Variants in SIPA1L3 observed in about 807,000 individuals in gnomAD.
SIPA1L3 encodes signal-induced proliferation-associated 1-like protein 3.
In SIPA1L3, 59 loss-of-function variants were observed where a neutral mutation model predicts 150.1. The ratio of observed to expected loss-of-function variants is 0.39; its 90% confidence interval spans 0.32 to 0.49. The LOEUF is 0.49. Among genes scored for constraint, SIPA1L3 ranks in the 20% least tolerant of loss-of-function variants. The pLI, the probability that SIPA1L3 is intolerant of heterozygous loss-of-function variation, is 0.86. For synonymous variants in SIPA1L3, 1,070 were observed against 1,077.6 expected (o/e 0.99, Z 0.14); for missense variants, 2,211 against 2,489.5 (o/e 0.89, Z 2.38).
At chr19:37,975,236 C>T (rs577933702) in intron 1 of SIPA1L3, among the ~76,000 whole-genome samples, 2 of 152,104 alleles carry the variant, frequency 1.3e-5, no homozygotes, top group South Asian at 2.1e-4. Context: ...AGAGAGAGAG[C>T]GAGGAGAGCA....
At chr19:37,942,613 C>G (rs1027931026) in intron 1 of SIPA1L3, among the ~76,000 whole-genome samples, 2 of 151,824 alleles carry the variant, frequency 1.3e-5, no homozygotes, top group Non-Finnish European at 2.9e-5. Context: ...CCCATGCCCT[C>G]TGGCTACGGC....
At chr19:38,168,437 C>T (rs1451762154) in intron 15 of SIPA1L3, among the ~76,000 whole-genome samples, 22 of 151,768 alleles carry the variant, frequency 1.4e-4, no homozygotes, top group Non-Finnish European at 2.9e-5. Context: ...GCACTCCAGC[C>T]TGGGTGACGG....
At chr19:37,930,933 G>C (rs1225318710) in intron 1 of SIPA1L3, among the ~76,000 whole-genome samples, 1 of 146,462 alleles carries the variant, frequency 6.8e-6, no homozygotes, top group Non-Finnish European at 1.5e-5. Context: ...GGGACTATAA[G>C]CTCCCTGTGG....
At chr19:37,920,917 T>A (rs1352145114) in intron 1 of SIPA1L3, among the ~76,000 whole-genome samples, 1 of 152,188 alleles carries the variant, frequency 6.6e-6, no homozygotes, top group Non-Finnish European at 1.5e-5. Context: ...CTCTAGCACC[T>A]GCCTGTGGGG....
chr19:37,937,270 A>G (rs1483359169), intron 1 of SIPA1L3, among the ~76,000 whole-genome samples: 3 of 152,194 alleles, frequency 2.0e-5, no homozygotes, highest in Admixed American at 6.6e-5. Flanking sequence ...ATATTCATCT[A>G]TCATAATGAA....
chr19:37,978,047 C>G (rs141614992), intron 1 of SIPA1L3, among the ~76,000 whole-genome samples: 1 of 152,322 alleles, frequency 6.6e-6, no homozygotes, highest in Non-Finnish European at 1.5e-5. Context: ...TGTCCATGCA[C>G]ACAGTAGGTG....
intron 1 of SIPA1L3, among the ~76,000 whole-genome samples, chr19:37,983,681 G>A (rs1458599125): frequency 1.3e-5 from 2 of 152,168 alleles, no homozygotes; most frequent in South Asian, 4.2e-4. Flanking sequence ...TGAAGTGGGT[G>A]GATTGCCTGA....
chr19:38,031,393 T>TA (rs938719248), intron 2 of SIPA1L3, among the ~76,000 whole-genome samples: 1 of 152,236 alleles, frequency 6.6e-6, no homozygotes, highest in Non-Finnish European at 1.5e-5. Context: ...CTTGTCTCCT[T>TA]AACCTCCTCC....
Position 38,142,646 on chromosome 19 carries a change from C to T in SIPA1L3, c.3469C>T (p.Pro1157Ser), listed in dbSNP as rs978113777. 4.3e-6 allele frequency: 7 copies of T among 1,613,964 alleles called. No homozygotes were observed. The African/African-American group carries it at 9.3e-5, about 22-fold the overall frequency. The change falls in exon 12 of 22, where the codon CCT (proline) becomes TCT (serine). Residue 1157 changes from proline to serine, a missense_variant. Coordinates refer to ENST00000222345, the MANE Select transcript of SIPA1L3 (RefSeq NM_015073.3). ...CGACAGAGTCCCTCCCTACCGACAG[C>T]CTTCTGGGAGCTTCTCCACCCCCGG... ...GADRVPPYRQPSGSFSTPGSA... is the reference protein window; with the variant it reads ...GADRVPPYRQSSGSFSTPGSA...
intron 4 of SIPA1L3, among the ~76,000 whole-genome samples, chr19:38,092,199 T>G (rs1057396257): frequency 6.6e-6 from 1 of 151,922 alleles, no homozygotes; most frequent in African/African-American, 2.4e-5. Context: ...CTAGGCACCA[T>G]AGTGATACCC....
At chr19:38,059,681 C>T (rs547584218) in intron 2 of SIPA1L3, among the ~76,000 whole-genome samples, 33 of 152,106 alleles carry the variant, frequency 2.2e-4, no homozygotes, top group South Asian at 4.1e-4. Flanking sequence ...CACAGTTTAC[C>T]GAAGAATTCC....
chr19:37,967,900 C>A (rs1307290903), intron 1 of SIPA1L3, among the ~76,000 whole-genome samples: 7 of 152,068 alleles, frequency 4.6e-5, no homozygotes, highest in African/African-American at 1.7e-4. Flanking sequence ...CTCAAGCGAT[C>A]CACCCGCCTC....
chr19:37,939,407 A>T (rs1014582453), intron 1 of SIPA1L3, among the ~76,000 whole-genome samples: 9 of 151,812 alleles, frequency 5.9e-5, no homozygotes, highest in Non-Finnish European at 8.8e-5. Flanking sequence ...GTCAAAAAAA[A>T]AAAAAAAAAA....
chr19:38,077,891 G>C (rs1347380611), intron 2 of SIPA1L3, among the ~76,000 whole-genome samples: 1 of 151,702 alleles, frequency 6.6e-6, no homozygotes, highest in Non-Finnish European at 1.5e-5. Context: ...GGCTGGTCTC[G>C]AACTCCTGAC....
At chr19:38,098,601 G>A (rs1348155975) in intron 4 of SIPA1L3, among the ~76,000 whole-genome samples, 3 of 151,998 alleles carry the variant, frequency 2.0e-5, no homozygotes, top group African/African-American at 7.2e-5. Flanking sequence ...TGCCATGTTG[G>A]CCAGGCTGGT....
chr19:38,124,555 C>T lies in SIPA1L3; in HGVS notation c.2868+4673C>T, dbSNP rs985103668. On this transcript the variant is annotated intron_variant, in intron 9 of 21. Coordinates refer to ENST00000222345, the MANE Select transcript of SIPA1L3 (RefSeq NM_015073.3). The stretch of plus-strand genomic sequence containing the variant: ...GCAGAGGGGCTCCTCACGTCCCAGA[C>T]GATGGGCGGCCAGGCAGAGACGCTC... Among the ~76,000 whole-genome samples the T allele has an allele frequency of 1.6e-4, 23 of 144,484 alleles. No individual in the cohort carries two copies. The East Asian group carries it at 4.6e-3, about 29-fold the overall frequency. The allele number at this position is 144,484 out of a possible 152,430, so 94.8% of individuals were successfully genotyped here.
chr19:37,926,317 T>C (rs1190952417), intron 1 of SIPA1L3, among the ~76,000 whole-genome samples: 1 of 152,158 alleles, frequency 6.6e-6, no homozygotes. Context: ...CAGGGCTTGC[T>C]ATTAAGCCCA....
intron 2 of SIPA1L3, among the ~76,000 whole-genome samples, chr19:38,037,858 AG>A (rs1466400912): frequency 6.6e-6 from 1 of 152,136 alleles, no homozygotes; most frequent in African/African-American, 2.4e-5. Context: ...TCCAAGTCTG[AG>A]GGTTCTTTGG....
intron 1 of SIPA1L3, among the ~76,000 whole-genome samples, chr19:38,018,156 CTTTTTTTTTT>C (rs34874664): frequency 1.6e-5 from 1 of 61,328 alleles, no homozygotes; most frequent in African/African-American, 7.3e-5. Flanking sequence ...CTTTGAGTGT[CTTTTTTTTTT>C]TTTTTTTTTT....
Sources: gnomAD v4.1 joint callset for allele counts (sites outside exome capture counted in the v4.1 genomes callset) on GRCh38, gnomAD v4.1.1 for gene constraint, MANE v1.5 for transcripts, NCBI Gene and HGNC (gene_info 2026-07-23, HGNC 2026-07-21) for gene names.